Variants in SETD3 observed in about 807,000 individuals in gnomAD.
SETD3 encodes actin-histidine N-methyltransferase.
Under a neutral mutation model 63.0 loss-of-function variants are expected in SETD3, and 19 were observed. The observed-to-expected ratio is 0.30, with a 90% CI of 0.21 to 0.44. SETD3 has a LOEUF of 0.44. Among genes scored for constraint, SETD3 ranks in the 20% least tolerant of loss-of-function variants. The pLI is 1.00. For synonymous variants in SETD3, 286 were observed against 264.1 expected, an observed-to-expected ratio of 1.08 and a Z score of -0.80; for missense variants, 587 against 728.5, an observed-to-expected ratio of 0.81 and a Z score of 2.24.
intron 6 of SETD3, among the ~76,000 whole-genome samples, chr14:99,457,644 C>A (rs909491283): frequency 1.3e-5 from 2 of 152,230 alleles, no homozygotes; most frequent in African/African-American, 4.8e-5. Context: ...AGGAGCCACA[C>A]TGCCTCTCAG....
chr14:99,426,936 C>A (rs530970505), intron 6 of SETD3, among the ~76,000 whole-genome samples: 16 of 152,164 alleles, frequency 1.1e-4, no homozygotes, highest in Non-Finnish European at 2.1e-4. Context: ...CCACCTTCTG[C>A]CTCCCCCACA....
intron 6 of SETD3, among the ~76,000 whole-genome samples, chr14:99,449,105 T>C (rs1425600950): frequency 1.3e-5 from 2 of 152,184 alleles, no homozygotes; most frequent in Non-Finnish European, 1.5e-5. Context: ...TATGAACAGC[T>C]GAATAAGTAA....
At position 99,456,987 on chromosome 14, in the gene SETD3, T is replaced by C. The variant is rs544207625; in HGVS notation, c.675+1292A>G. Among the ~76,000 whole-genome samples, 6 of 152,336 alleles carry C rather than the reference T, an allele frequency of 3.9e-5. No individual in the cohort carries two copies. The East Asian group carries it at 1.2e-3, about 29-fold the overall frequency. On this transcript the variant is annotated intron_variant, in intron 6 of 12. Transcript: ENST00000331768. The stretch of plus-strand genomic sequence containing the variant: ...GTAAAAAGGGCCAGCTTGTAGTTCA[T>C]TGTCCAGCAAGAGAAAATGACAAAT...
intron 6 of SETD3, among the ~76,000 whole-genome samples, chr14:99,416,948 T>C (rs1379369387): frequency 2.0e-5 from 3 of 152,152 alleles, no homozygotes; most frequent in Non-Finnish European, 4.4e-5. Context: ...AGTAATATTG[T>C]ACCGAGTACA....
chr14:99,430,174 A>G (rs1349947753), intron 6 of SETD3, among the ~76,000 whole-genome samples: 4 of 152,180 alleles, frequency 2.6e-5, no homozygotes, highest in African/African-American at 9.7e-5. Context: ...GAGGAGGAGA[A>G]GAGTAAAGAA....
chr14:99,423,680 A>G (rs1040862446), intron 6 of SETD3, among the ~76,000 whole-genome samples: 1 of 151,188 alleles, frequency 6.6e-6, no homozygotes, highest in Non-Finnish European at 1.5e-5. Context: ...TGTTAGAAAA[A>G]AAGTCATTCA....
chr14:99,434,847 C>CAAAAAAAAAAAAAAAAAAAAAAAAA (rs71110599), intron 6 of SETD3, among the ~76,000 whole-genome samples: 1 of 30,396 alleles, frequency 3.3e-5, no homozygotes, highest in African/African-American at 1.3e-4. Context: ...AACTCTGCCT[C>CAAAAAAAAAAAAAAAAAAAAAAAAA]AAAAAAAAAA....
At chr14:99,408,014 G>A (rs1313382783) in intron 8 of SETD3, among the ~76,000 whole-genome samples, 1 of 152,172 alleles carries the variant, frequency 6.6e-6, no homozygotes, top group Non-Finnish European at 1.5e-5. Flanking sequence ...GTTGTCTGTC[G>A]ATGGTCACTG....
At chr14:99,456,709 T>A (rs1487271806) in intron 6 of SETD3, among the ~76,000 whole-genome samples, 2 of 152,230 alleles carry the variant, frequency 1.3e-5, no homozygotes, top group Admixed American at 6.5e-5. Flanking sequence ...TGACAAAAAA[T>A]GGTTCCATCT....
intron 9 of SETD3, among the ~76,000 whole-genome samples, chr14:99,405,714 G>A (rs1003630011): frequency 2.0e-5 from 3 of 152,256 alleles, no homozygotes; most frequent in East Asian, 3.9e-4. Flanking sequence ...AGGACAGCAA[G>A]GCTATTACTA....
intron 6 of SETD3, among the ~76,000 whole-genome samples, chr14:99,429,019 T>C (rs1181404253): frequency 1.3e-5 from 2 of 152,164 alleles, no homozygotes; most frequent in South Asian, 4.1e-4. Context: ...AAAATTTTAA[T>C]TATGAACTTC....
At position 99,398,664 on chromosome 14, in the gene SETD3, C is replaced by T; in HGVS notation, c.*15G>A. On this transcript the variant is annotated 3_prime_UTR_variant, in exon 13 of 13. Transcript: ENST00000331768. Reference sequence around the variant, plus strand: ...CTCCTGCTCCACTGGATCCCCCATCCAGCTTCACCTCGAGCTACTCCTTAA... The same window carrying T: ...CTCCTGCTCCACTGGATCCCCCATCTAGCTTCACCTCGAGCTACTCCTTAA... 1 of 1,607,186 alleles carries T rather than the reference C, an allele frequency of 6.2e-7. No individual in the cohort carries two copies. Among genetic ancestry groups the T allele is most frequent in the Non-Finnish European group, 8.5e-7 (1 of 1,174,960 alleles).
intron 6 of SETD3, among the ~76,000 whole-genome samples, chr14:99,424,417 T>A (rs1459696582): frequency 6.6e-6 from 1 of 152,052 alleles, no homozygotes; most frequent in Non-Finnish European, 1.5e-5. Flanking sequence ...CCAGAGGGCA[T>A]CACACTTCAG....
At chr14:99,472,942 C>T (rs1361472434) in intron 1 of SETD3, among the ~76,000 whole-genome samples, 2 of 152,168 alleles carry the variant, frequency 1.3e-5, no homozygotes, top group African/African-American at 2.4e-5. Flanking sequence ...GAAGGGGTAT[C>T]TATAAAAAGG....
intron 6 of SETD3, among the ~76,000 whole-genome samples, chr14:99,440,362 T>C (rs1038238233): frequency 2.0e-5 from 3 of 152,126 alleles, no homozygotes; most frequent in Admixed American, 6.5e-5. Flanking sequence ...GGCCTAAAAG[T>C]AGCAGCTCTC....
intron 6 of SETD3, among the ~76,000 whole-genome samples, chr14:99,435,734 A>AC (rs939261334): frequency 2.2e-4 from 25 of 112,198 alleles, no homozygotes; most frequent in African/African-American, 3.7e-4. Context: ...CAGGTTCCCC[A>AC]CCCCCCCACC....
At chr14:99,425,776 C>T (rs1237580035) in intron 6 of SETD3, among the ~76,000 whole-genome samples, 1 of 152,202 alleles carries the variant, frequency 6.6e-6, no homozygotes, top group Non-Finnish European at 1.5e-5. Flanking sequence ...AGAAGAGAAT[C>T]TCTTCTTAAG....
intron 9 of SETD3, among the ~76,000 whole-genome samples, chr14:99,406,271 A>T (rs1036203282): frequency 6.6e-6 from 1 of 152,232 alleles, no homozygotes; most frequent in African/African-American, 2.4e-5. Flanking sequence ...CCAATTGTGC[A>T]ACTAACTGTG....
chr14:99,429,858 T>C (rs914432302), intron 6 of SETD3, among the ~76,000 whole-genome samples: 3 of 152,264 alleles, frequency 2.0e-5, no homozygotes, highest in African/African-American at 7.2e-5. Flanking sequence ...GCCTACCTTA[T>C]ATGCTTAAGG....
Sources: gnomAD v4.1 joint callset for allele counts (sites outside exome capture counted in the v4.1 genomes callset) on GRCh38, gnomAD v4.1.1 for gene constraint, MANE v1.5 for transcripts, NCBI Gene and HGNC (gene_info 2026-07-23, HGNC 2026-07-21) for gene names.